ACACA: variants seen among roughly 807,000 people sequenced by gnomAD.
ACACA encodes the protein acetyl-CoA carboxylase alpha, also known as acetyl-CoA carboxylase 1.
In ACACA, 103 loss-of-function variants were observed where a neutral mutation model predicts 296.1. The observed-to-expected ratio is 0.35, with a 90% confidence interval of 0.30 to 0.41. The LOEUF is 0.41. Ranked by LOEUF, ACACA falls within the 10% of genes least tolerant of loss-of-function variation. The pLI, the probability that ACACA is intolerant of heterozygous loss-of-function variation, is 1.00. For missense variants in ACACA, 1,554 were observed against 2,989.7 expected (o/e 0.52, Z 11.20); for synonymous variants, 953 against 1,038.6 (o/e 0.92, Z 1.58).
chr17:37,135,663 A>T (rs1370807496), intron 45 of ACACA, among the ~76,000 whole-genome samples: 1 of 152,188 alleles, frequency 6.6e-6, no homozygotes, highest in Non-Finnish European at 1.5e-5. Flanking sequence ...CTCAGTGGAG[A>T]ACAGAGGAAT....
At chr17:37,253,234 T>C (rs550225421) in intron 14 of ACACA, among the ~76,000 whole-genome samples, 198 bp from the exon 15 acceptor site, 1 of 151,884 alleles carries the variant, frequency 6.6e-6, no homozygotes, top group East Asian at 1.9e-4. Context: ...CTACTAAAAA[T>C]ACAAAAAATT....
chr17:37,251,882 G>T, intron 16 of ACACA, 123 bp downstream of exon 16: 1 of 920,584 alleles, frequency 1.1e-6, no homozygotes, highest in Non-Finnish European at 1.8e-6. Flanking sequence ...CATGGTCCAT[G>T]AATAACAAGT....
intron 14 of ACACA, among the ~76,000 whole-genome samples, chr17:37,254,691 A>G (rs2081146501): frequency 6.6e-6 from 1 of 152,034 alleles, no homozygotes. Flanking sequence ...GTTGAATACA[A>G]TGAATGAATG....
chr17:37,115,947 G>T (rs940465120), intron 50 of ACACA, among the ~76,000 whole-genome samples: 1 of 151,876 alleles, frequency 6.6e-6, no homozygotes, highest in Non-Finnish European at 1.5e-5. Flanking sequence ...TCTAGATCTT[G>T]TTGGCCCTAA....
chr17:37,097,889 C>T lies in ACACA; in HGVS notation c.6661G>A (p.Val2221Met), dbSNP rs746235470. Residue 2221 changes from valine (V) to methionine (M), a missense_variant, in exon 53 of 56, where the codon GTG becomes ATG. Physicochemically the swap from Val to Met is conservative, Grantham distance 21 (BLOSUM62 1). Coordinates refer to ENST00000616317, the MANE Select transcript of ACACA (RefSeq NM_198834.3). The surrounding 1 kb of genome is among the most constrained non-coding windows in gnomAD (Gnocchi z 4.8). Reference sequence around the variant, plus strand: ...GTGTCGTGCAAGTCAGCAAACTGCACGGCTACCTGATGGTAAATGGGAATT... The same window carrying T: ...GTGTCGTGCAAGTCAGCAAACTGCATGGCTACCTGATGGTAAATGGGAATT... ...FLIPIYHQVA[V>M]QFADLHDTPG... is the part of the protein sequence containing the mutation. 2 of 1,614,162 alleles carry T rather than the reference C, an allele frequency of 1.2e-6. No individual in the cohort carries two copies. The highest frequency in any genetic ancestry group is 1.1e-5 in the South Asian group (1 of 91,086).
chr17:37,090,398 C>T (rs1187859183), intron 54 of ACACA, among the ~76,000 whole-genome samples: 4 of 152,236 alleles, frequency 2.6e-5, no homozygotes, highest in East Asian at 1.9e-4. Context: ...TGAAGGCTTC[C>T]GGGGACTAAG....
At chr17:37,130,951 T>C (rs1036601183) in intron 45 of ACACA, among the ~76,000 whole-genome samples, 1 of 151,272 alleles carries the variant, frequency 6.6e-6, no homozygotes, top group African/African-American at 2.4e-5. Flanking sequence ...TGTCATTTAA[T>C]GGCAAAACCA....
At chr17:37,099,470 T>TGGAGGGCTGATGGCG (rs1567656628) in intron 52 of ACACA, among the ~76,000 whole-genome samples, 40 of 124,802 alleles carry the variant, frequency 3.2e-4, no homozygotes, top group African/African-American at 1.2e-3. Flanking sequence ...GGCTGAGGGA[T>TGGAGGGCTGATGGCG]GGAGGGCTGA....
intron 49 of ACACA, among the ~76,000 whole-genome samples, chr17:37,122,072 G>A (rs1597882234): frequency 6.6e-6 from 1 of 152,272 alleles, no homozygotes; most frequent in Admixed American, 6.5e-5. Context: ...AGGAGGTCAA[G>A]GCTGCAGTGA....
rs77094034 is a variant in ACACA, at chr17:37,290,605, C to G, written c.339-5635G>C. Among the ~76,000 whole-genome samples, 268 of 152,278 alleles carry G rather than the reference C, an allele frequency of 1.8e-3. 1 individual carries two copies. The highest frequency in any genetic ancestry group is 3.0e-3 in the Non-Finnish European group (206 of 68,024). The stretch of plus-strand genomic sequence containing the variant: ...ACAGATCTGAATTCAACCTTTCTGA[C>G]TCTAAGTCCTTGAACTTGATACCCT... On this transcript the variant is annotated intron_variant, in intron 3 of 55. Coordinates refer to ENST00000616317, the MANE Select transcript of ACACA (RefSeq NM_198834.3).
intron 4 of ACACA, among the ~76,000 whole-genome samples, chr17:37,284,434 C>T (rs1307659505): frequency 6.6e-6 from 1 of 152,162 alleles, no homozygotes; most frequent in African/African-American, 2.4e-5. Context: ...TGTAAAACCA[C>T]AAGATCTTTC....
intron 17 of ACACA, 97 bp downstream of exon 17, chr17:37,248,496 C>T: frequency 1.1e-6 from 1 of 905,728 alleles, no homozygotes; most frequent in Non-Finnish European, 1.8e-6. Flanking sequence ...ACTAATACCC[C>T]CATCCCTGCA....
chr17:37,163,557 G>A (rs928195724), intron 41 of ACACA, among the ~76,000 whole-genome samples: 3 of 152,084 alleles, frequency 2.0e-5, no homozygotes, highest in South Asian at 2.1e-4. Flanking sequence ...GACGTCTCAC[G>A]GACTGTACAC....
At chr17:37,171,105 T>C (rs903896921) in intron 41 of ACACA, among the ~76,000 whole-genome samples, 2 of 152,218 alleles carry the variant, frequency 1.3e-5, no homozygotes, top group Non-Finnish European at 2.9e-5. Flanking sequence ...GTGGCTGAGA[T>C]GTTGAAGCTG....
intron 21 of ACACA, among the ~76,000 whole-genome samples, chr17:37,244,089 A>G (rs937881352): frequency 1.3e-5 from 2 of 152,086 alleles, no homozygotes; most frequent in African/African-American, 4.8e-5. Flanking sequence ...ACGGGCGGGC[A>G]CAGTGGCTCA....
chr17:37,356,754 C>T (rs1472010886), intron 1 of ACACA, among the ~76,000 whole-genome samples: 1 of 152,076 alleles, frequency 6.6e-6, no homozygotes, highest in Admixed American at 6.6e-5. Flanking sequence ...AAAGGATTCT[C>T]TTCTCCTCCC....
chr17:37,097,830 G>A lies in ACACA; in HGVS notation c.6720C>T (p.Ser2240=), dbSNP rs2073086386. 14 of 1,613,984 alleles carry A rather than the reference G, an allele frequency of 8.7e-6. No homozygotes were observed. The highest frequency in any genetic ancestry group is 3.3e-5 in the Admixed American group (2 of 59,998). ...AAGAAGTGGCAACCATTGTACTTACGCTAATAACACCCTTCTCCTGCATCC... is the reference window on the plus strand; with the variant it reads ...AAGAAGTGGCAACCATTGTACTTACACTAATAACACCCTTCTCCTGCATCC... The part of the protein sequence containing the change: ...PGRMQEKGVI[S]DILDWKTSRT... Residue 2240 remains serine, a splice_region_variant and synonymous_variant, in exon 53 of 56, where the codon AGC becomes AGT. Coordinates refer to ENST00000616317, the MANE Select transcript of ACACA (RefSeq NM_198834.3). The surrounding 1 kb of genome is among the most constrained non-coding windows in gnomAD (Gnocchi z 4.8).
chr17:37,288,571 T>C (rs575634239), intron 3 of ACACA, among the ~76,000 whole-genome samples: 2 of 152,308 alleles, frequency 1.3e-5, no homozygotes, highest in East Asian at 3.9e-4. Flanking sequence ...TGGGTAGATA[T>C]ATGTGTTAAA....
rs555922369 is a variant in ACACA at position 37,113,634 on chromosome 17, G to A, written c.6275-369C>T. ...AATATGTGCTCTCCCACTACAGTAAGTTTACTAAAGGAAGGAACTATTCTA... is the reference window on the plus strand; with the variant it reads ...AATATGTGCTCTCCCACTACAGTAAATTTACTAAAGGAAGGAACTATTCTA... On this transcript the variant is annotated intron_variant, in intron 50 of 55. Coordinates refer to ENST00000616317, the MANE Select transcript of ACACA (RefSeq NM_198834.3). This position sits in a 1 kb window ranked among gnomAD's most constrained non-coding sequence, Gnocchi z 4.0. Among the ~76,000 whole-genome samples, 1 of 152,274 alleles carries A rather than the reference G, an allele frequency of 6.6e-6. No homozygotes were observed. The highest frequency in any genetic ancestry group is 6.5e-5 in the Admixed American group (1 of 15,298).
Sources: allele counts gnomAD v4.1 joint callset (sites outside exome capture counted in the v4.1 genomes callset), GRCh38; gene constraint gnomAD v4.1.1; non-coding constraint Gnocchi (gnomAD v3.1); transcripts MANE v1.5; gene names NCBI Gene and HGNC (gene_info 2026-07-23, HGNC 2026-07-21).